ARPC5L: variants seen among roughly 807,000 people sequenced by gnomAD.
ARPC5L encodes actin related protein 2/3 complex subunit 5 like, also known as actin-related protein 2/3 complex subunit 5-like protein.
Under a neutral mutation model 16.9 loss-of-function variants are expected in ARPC5L, and 4 were observed. The observed-to-expected ratio is 0.24, with a 90% CI of 0.12 to 0.54. The LOEUF (loss-of-function observed/expected upper bound fraction) is 0.54. ARPC5L is among the 20% of genes least tolerant of loss of function. The pLI is 0.95. For missense variants in ARPC5L, 151 were observed against 201.9 expected (o/e 0.75, Z 1.53); for synonymous variants, 78 against 82.6 (o/e 0.94, Z 0.30).
intron 1 of ARPC5L, 76 bp downstream of exon 1, chr9:124,862,474 G>T (rs1330443212): frequency 6.6e-6 from 1 of 151,870 alleles, no homozygotes; most frequent in East Asian, 1.9e-4. Flanking sequence ...TTCTGGGGAG[G>T]CAGTATATGG....
At chr9:124,865,576 G>C (rs1319561446) in intron 2 of ARPC5L, among the ~76,000 whole-genome samples, 1 of 151,388 alleles carries the variant, frequency 6.6e-6, no homozygotes, top group Non-Finnish European at 1.5e-5. Flanking sequence ...GATCACCTGA[G>C]GTCAGGAGTT....
intron 2 of ARPC5L, among the ~76,000 whole-genome samples, chr9:124,866,988 G>C (rs909618269): frequency 2.0e-5 from 3 of 152,238 alleles, no homozygotes; most frequent in Non-Finnish European, 4.4e-5. Flanking sequence ...TCGGCCTACA[G>C]AGCCCTACTC....
intron 2 of ARPC5L, 100 bp downstream of exon 2, chr9:124,864,207 A>G (rs1356089988): frequency 1.3e-5 from 2 of 150,942 alleles, no homozygotes. Context: ...TTTTTTTGAA[A>G]TGGAGTCTTG....
chr9:124,874,801 G>C (rs1370214621), intron 4 of ARPC5L, among the ~76,000 whole-genome samples, 174 bp from the exon 5 acceptor site: 4 of 151,900 alleles, frequency 2.6e-5, no homozygotes, highest in Non-Finnish European at 5.9e-5. Context: ...ATAAATAAAA[G>C]ATACTTTGAA....
chr9:124,868,119 T>A (rs994049502), intron 2 of ARPC5L, among the ~76,000 whole-genome samples: 2 of 152,168 alleles, frequency 1.3e-5, no homozygotes, highest in Non-Finnish European at 2.9e-5. Context: ...TTTCCCACTA[T>A]GGGAGTCTGT....
chr9:124,874,695 C>T (rs1829406842), intron 4 of ARPC5L, among the ~76,000 whole-genome samples: 1 of 145,398 alleles, frequency 6.9e-6, no homozygotes, highest in Non-Finnish European at 1.5e-5. Context: ...CTCCCTCTCT[C>T]CCTCTTTTCT....
At chr9:124,874,632 A>C (rs1303442817) in intron 4 of ARPC5L, among the ~76,000 whole-genome samples, 3 of 152,164 alleles carry the variant, frequency 2.0e-5, no homozygotes, top group Non-Finnish European at 4.4e-5. Context: ...CAGTGAGCTG[A>C]GATTGCACCA....
At position 124,875,062 on chromosome 9, in the gene ARPC5L, G is replaced by A; in HGVS notation, c.310G>A (p.Gly104Ser). 11 of 1,614,092 alleles carry A rather than the reference G, an allele frequency of 6.8e-6. 1 individual carries two copies. Among genetic ancestry groups the A allele is most frequent in the South Asian group, 2.2e-5 (2 of 91,074 alleles). The change falls in exon 5 of 6, where the codon GGC (glycine) becomes AGC (serine). Residue 104 changes from glycine (G) to serine (S), a missense_variant. Physicochemically the swap from Gly to Ser is moderately conservative, Grantham distance 56. Coordinates refer to ENST00000353214, the MANE Select transcript of ARPC5L (RefSeq NM_030978.3). Reference sequence around the variant, plus strand: ...GGCTGTGCAGTCACTGGACAGAAACGGCGTTGACTTGTTAATGAAGTACAT... The same window carrying A: ...GGCTGTGCAGTCACTGGACAGAAACAGCGTTGACTTGTTAATGAAGTACAT... ...EQAVQSLDRN[G>S]VDLLMKYIYK...
Position 124,875,136 on chromosome 9 carries a change from C to T in ARPC5L, c.384C>T (p.Leu128=). The T allele has an allele frequency of 1.9e-6, 3 of 1,613,894 alleles. No homozygotes were observed. Among genetic ancestry groups the T allele is most frequent in the Non-Finnish European group, 2.5e-6 (3 of 1,179,832 alleles). Residue 128 remains leucine, a synonymous_variant, in exon 5 of 6, where the codon CTC becomes CTT. Transcript: ENST00000353214. ...CAGAAAATAGCAGCGCAGTGTTACTCCAGTGGCACGAAAAGGTATGTGAAC... is the reference window on the plus strand; with the variant it reads ...CAGAAAATAGCAGCGCAGTGTTACTTCAGTGGCACGAAAAGGTATGTGAAC... The part of the protein sequence containing the change: ...KPTENSSAVL[L]QWHEKALAVG...
rs958691214 is a variant in ARPC5L at position 124,873,709 on chromosome 9, C to T, written c.167C>T (p.Ala56Val). 5.6e-6 allele frequency: 9 copies of T among 1,614,084 alleles called. No individual in the cohort carries two copies. The highest frequency in any genetic ancestry group is 1.3e-5 in the African/African-American group (1 of 74,936). Residue 56 changes from alanine to valine, a missense_variant, in exon 4 of 6, where the codon GCA (alanine) becomes GTA (valine). Coordinates refer to ENST00000353214, the MANE Select transcript of ARPC5L (RefSeq NM_030978.3). ...GLLRQGDMLR[A>V]FHAALRNSPV... ...TGATGCACAGGGGACATGCTTCGGG[C>T]ATTCCATGCAGCCTTGCGGAACTCT... is the stretch of plus-strand genomic sequence containing the variant.
At chr9:124,867,861 G>GCTTA (rs1829294508) in intron 2 of ARPC5L, among the ~76,000 whole-genome samples, 2 of 146,910 alleles carry the variant, frequency 1.4e-5, no homozygotes, top group African/African-American at 5.1e-5. Flanking sequence ...TCAGGCTGGA[G>GCTTA]CGTAATGGCG....
intron 4 of ARPC5L, among the ~76,000 whole-genome samples, chr9:124,874,185 G>A (rs1266271669): frequency 1.3e-5 from 2 of 152,222 alleles, no homozygotes; most frequent in South Asian, 2.1e-4. Context: ...CTAAAATTTG[G>A]TTCAGAGAAA....
intron 5 of ARPC5L, 144 bp from the exon 6 acceptor site, chr9:124,876,734 A>AGAATGTGC (rs776129923): frequency 6.2e-4 from 418 of 670,448 alleles, no homozygotes; most frequent in Non-Finnish European, 8.8e-4. Flanking sequence ...CTCCTTCCCT[A>AGAATGTGC]GAATGTGCTC....
At chr9:124,863,394 G>A (rs561627227) in intron 1 of ARPC5L, among the ~76,000 whole-genome samples, 100 of 152,148 alleles carry the variant, frequency 6.6e-4, no homozygotes, top group African/African-American at 2.3e-3. Flanking sequence ...TGATCCACCC[G>A]CCTCAGCCTC....
At chr9:124,864,811 C>CTT (rs953093647) in intron 2 of ARPC5L, among the ~76,000 whole-genome samples, 2 of 143,286 alleles carry the variant, frequency 1.4e-5, no homozygotes, top group African/African-American at 2.6e-5. Flanking sequence ...GCGCCTGGAC[C>CTT]TTTTTTTTTT....
intron 2 of ARPC5L, among the ~76,000 whole-genome samples, chr9:124,865,398 C>T (rs1292088527): frequency 6.6e-6 from 1 of 150,590 alleles, no homozygotes; most frequent in Non-Finnish European, 1.5e-5. Flanking sequence ...GAGTTAATGA[C>T]TCTGCACATC....
At chr9:124,874,472 C>T (rs560703132) in intron 4 of ARPC5L, among the ~76,000 whole-genome samples, 2 of 152,224 alleles carry the variant, frequency 1.3e-5, no homozygotes, top group African/African-American at 2.4e-5. Context: ...GCAGGAGGAT[C>T]GCTTGAGCTC....
intron 3 of ARPC5L, 112 bp from the exon 4 acceptor site, chr9:124,873,580 G>A (rs982377117): frequency 3.3e-6 from 4 of 1,197,588 alleles, no homozygotes; most frequent in Non-Finnish European, 4.9e-6. Context: ...GAAGGTGGGT[G>A]GTATGGATGA....
chr9:124,869,262 G>A lies in ARPC5L; in HGVS notation c.-29G>A. The A allele has an allele frequency of 6.7e-7, 1 of 1,502,612 alleles. No homozygotes were observed. Among genetic ancestry groups the A allele is most frequent in the Non-Finnish European group, 8.9e-7 (1 of 1,127,068 alleles). 93.1% of individuals were successfully genotyped at this position (1,502,612 alleles called of 1,614,324 possible). A position where few individuals can be genotyped will look rare whatever the true frequency, so the allele number is the denominator to read the frequency against. On this transcript the variant is annotated 5_prime_UTR_variant, in exon 3 of 6. Coordinates refer to ENST00000353214, the MANE Select transcript of ARPC5L (RefSeq NM_030978.3). ...GAGCCGAGGTCGGGCCGCGAGCGGAGCCGGCTGAGCGGGCGCCGAGCTCCC... is the reference window on the plus strand; with the variant it reads ...GAGCCGAGGTCGGGCCGCGAGCGGAACCGGCTGAGCGGGCGCCGAGCTCCC...
Sources: allele counts gnomAD v4.1 joint callset (sites outside exome capture counted in the v4.1 genomes callset), GRCh38; gene constraint gnomAD v4.1.1; transcripts MANE v1.5; gene names NCBI Gene and HGNC (gene_info 2026-07-23, HGNC 2026-07-21).